MCM7: variants seen among roughly 807,000 people sequenced by gnomAD.
MCM7 encodes minichromosome maintenance complex component 7.
In MCM7, 95 loss-of-function variants were observed where a neutral mutation model predicts 83.5. The observed-to-expected ratio is 1.14, with a 90% CI of 0.96 to 1.35. MCM7 has a LOEUF of 1.35. MCM7 is among the 40% of genes most tolerant of loss of function. The pLI is 0.00. For missense variants in MCM7, 1,087 were observed against 957.4 expected (o/e 1.14, Z -1.79); for synonymous variants, 461 against 352.7 (o/e 1.31, Z -3.44).
chr7:100,100,134 G>C (rs771942191), intron 1 of MCM7, 41 bp from the exon 2 acceptor site: 2 of 1,606,802 alleles, frequency 1.2e-6, no homozygotes, highest in African/African-American at 1.3e-5. Flanking sequence ...CAAACTTTAA[G>C]ACAAATCTTA....
intron 5 of MCM7, 77 bp from the exon 6 acceptor site, chr7:100,098,792 T>C (rs1253402587): frequency 3.8e-6 from 6 of 1,567,410 alleles, no homozygotes; most frequent in Non-Finnish European, 5.2e-6. Flanking sequence ...TGAATCACAT[T>C]TTCTCTTCAT....
At chr7:100,098,769 T>C (rs1795778116) in intron 5 of MCM7, 54 bp from the exon 6 acceptor site, 2 of 1,604,616 alleles carry the variant, frequency 1.2e-6, no homozygotes, top group Admixed American at 1.7e-5. Context: ...AGAGCCCCAT[T>C]GGGTCGGTCC....
At position 100,098,620 on chromosome 7, in the gene MCM7, G is replaced by A. The variant is rs759876264; in HGVS notation, c.678C>T (p.Gly226=). The change falls in exon 6 of 15, where the codon GGC becomes GGT. Residue 226 remains glycine, a synonymous_variant. Coordinates refer to ENST00000303887, the MANE Select transcript of MCM7 (RefSeq NM_005916.5). ...SGGRLYLQTR[G]SRFIKFQEMK... is the part of the protein sequence containing the mutation. ...TCTCCTGGAATTTGATGAATCTGGA[G>A]CCCCGTGTCTGCAGATACAGCCGCC... The A allele has an allele frequency of 3.7e-6, 6 of 1,614,104 alleles. No individual in the cohort carries two copies. The highest frequency in any genetic ancestry group is 4.2e-6 in the Non-Finnish European group (5 of 1,180,016).
rs1468156203 is a variant in MCM7, at chr7:100,098,643, G to A, written c.655C>T (p.Arg219Trp). Residue 219 changes from arginine to tryptophan, a missense_variant, in exon 6 of 15, where the codon CGG (arginine) becomes TGG (tryptophan). Physicochemically the swap from Arg to Trp is moderately radical, Grantham distance 101. Transcript: ENST00000303887. Reference sequence around the variant, plus strand: ...GAGCCCCGTGTCTGCAGATACAGCCGCCCTCCTGAGCGGTTGGTTTGGCAC... The same window carrying A: ...GAGCCCCGTGTCTGCAGATACAGCCACCCTCCTGAGCGGTTGGTTTGGCAC... ...QECQTNRSGG[R>W]LYLQTRGSRF... The A allele has an allele frequency of 1.2e-6, 2 of 1,614,070 alleles. No individual in the cohort carries two copies. Among genetic ancestry groups the A allele is most frequent in the African/African-American group, 1.3e-5 (1 of 75,002 alleles).
intron 1 of MCM7, 21 bp downstream of exon 1, chr7:100,101,242 TC>T: frequency 6.2e-7 from 1 of 1,612,842 alleles, no homozygotes; most frequent in Non-Finnish European, 8.5e-7. Context: ...CAGGACGCCC[TC>T]CCGGGCTCGT....
At position 100,098,191 on chromosome 7, in the gene MCM7, T is replaced by C; in HGVS notation, c.820A>G (p.Thr274Ala). ...IAQPGDHVSV[T>A]GIFLPILRTG... ...CGCAGGATTGGCAAGAAAATACCAG[T>C]GACGCTGACGTGGTCTCCAGGCTGG... The change falls in exon 7 of 15, where the codon ACT becomes GCT. Residue 274 changes from threonine (T) to alanine (A), a missense_variant. Physicochemically the swap from Thr to Ala is moderately conservative, Grantham distance 58. Transcript: ENST00000303887. 1 of 1,614,164 alleles carries C rather than the reference T, an allele frequency of 6.2e-7. No homozygotes were observed. Among genetic ancestry groups the C allele is most frequent in the Admixed American group, 1.7e-5 (1 of 60,012 alleles).
chr7:100,100,701 C>A (rs571057481), intron 1 of MCM7: 18 of 990,006 alleles, frequency 1.8e-5, no homozygotes, highest in East Asian at 1.1e-4. Flanking sequence ...GCACGCCCCC[C>A]CGGGCCGCAG....
chr7:100,097,611 TA>T lies in MCM7; in HGVS notation c.1117+2del. 1 of 1,613,578 alleles carries T rather than the reference TA, an allele frequency of 6.2e-7. No homozygotes were observed. The highest frequency in any genetic ancestry group is 8.5e-7 in the Non-Finnish European group (1 of 1,180,012). On this transcript the variant is annotated splice_donor_variant, in intron 9 of 14. Coordinates refer to ENST00000303887, the MANE Select transcript of MCM7 (RefSeq NM_005916.5). LOFTEE classifies it high-confidence loss of function. ...CCTGAGCCTCTCCCTTGTTTCTTCT[TA>T]CCCCGGATTTTCATGCCTCGAGGAG...
rs750239872 is a variant in MCM7, at chr7:100,099,689, T to C, written c.176A>G (p.Asp59Gly). 6.2e-7 allele frequency: 1 copy of C among 1,614,124 alleles called. No individual in the cohort carries two copies. The highest frequency in any genetic ancestry group is 8.5e-7 in the Non-Finnish European group (1 of 1,180,036). ...YVDLDDVAEDDPELVDSICEN... is the reference protein window; with the variant it reads ...YVDLDDVAEDGPELVDSICEN... ...ACAAATTGAGTCCACCAACTCGGGG[T>C]CATCCTCGGCTACGTCGTCCAGGTC... is the stretch of plus-strand genomic sequence containing the variant. Residue 59 changes from aspartate (D) to glycine (G), a missense_variant, in exon 3 of 15, where the codon GAC (aspartate) becomes GGC (glycine). Asp to Gly is a moderately conservative substitution (Grantham distance 94, BLOSUM62 -1). Transcript: ENST00000303887.
intron 13 of MCM7, 39 bp from the exon 14 acceptor site, chr7:100,093,440 AGGGCAGTGGAACG>A (rs1381866198): frequency 1.9e-6 from 3 of 1,584,322 alleles, no homozygotes; most frequent in Non-Finnish European, 1.7e-6. Flanking sequence ...GAACGGGAGG[AGGGCAGTGGAACG>A]AGGTCAGGGG....
At position 100,097,655 on chromosome 7, in the gene MCM7, A is replaced by C. The variant is rs1367092407; in HGVS notation, c.1076T>G (p.Val359Gly). 4 of 1,614,106 alleles carry C rather than the reference A, an allele frequency of 2.5e-6. No homozygotes were observed. The highest frequency in any genetic ancestry group is 3.4e-6 in the Non-Finnish European group (4 of 1,180,038). The change falls in exon 9 of 15, where the codon GTC becomes GGC. Residue 359 changes from valine to glycine, a missense_variant. By Grantham distance (109) the Val-to-Gly change is moderately radical (BLOSUM62 -3). Transcript: ENST00000303887. ...DVKKALLLLL[V>G]GGVDQSPRGM... ...TCGAGGAGACTGGTCCACACCCCCG[A>C]CTAGCAGGAGCAGCAGTGCCTTCTT...
At chr7:100,093,928 C>T in intron 13 of MCM7, 1 of 704,192 alleles carries the variant, frequency 1.4e-6, no homozygotes, top group South Asian at 1.5e-5. Context: ...CAGACCCCAA[C>T]CACCCTCTCA....
chr7:100,093,958 GA>G, intron 13 of MCM7: 5 of 736,678 alleles, frequency 6.8e-6, no homozygotes, highest in Non-Finnish European at 1.0e-5. Flanking sequence ...AAGAAGTGGG[GA>G]AAAGGCCTTT....
At position 100,094,292 on chromosome 7, in the gene MCM7, G is replaced by C; in HGVS notation, c.1729C>G (p.Leu577Val). 3 of 1,614,218 alleles carry C rather than the reference G, an allele frequency of 1.9e-6. No individual in the cohort carries two copies. The highest frequency in any genetic ancestry group is 1.7e-6 in the Non-Finnish European group (2 of 1,180,042). The change falls in exon 13 of 15, where the codon CTG (leucine) becomes GTG (valine). Residue 577 changes from leucine (L) to valine (V), a missense_variant. Leu to Val is a conservative substitution (Grantham distance 32). Coordinates refer to ENST00000303887, the MANE Select transcript of MCM7 (RefSeq NM_005916.5). The part of the protein sequence containing the change: ...REKQPMVPES[L>V]ADYITAAYVE... ...TATGCTGCTGTGATGTAGTCAGCCA[G>C]AGACTCTGGCACCATGGGCTGCTTC... is the stretch of plus-strand genomic sequence containing the variant.
Position 100,101,249 on chromosome 7 carries a change from C to G in MCM7, c.31+15G>C. 6.2e-7 allele frequency: 1 copy of G among 1,613,080 alleles called. No homozygotes were observed. The highest frequency in any genetic ancestry group is 8.5e-7 in the Non-Finnish European group (1 of 1,179,870). On this transcript the variant is annotated intron_variant, in intron 1 of 14. Coordinates refer to ENST00000303887, the MANE Select transcript of MCM7 (RefSeq NM_005916.5). Reference sequence around the variant, plus strand: ...TCCCCGCGCAGGACGCCCTCCCGGGCTCGTAGACCCGTACCCTTCTCTAGC... The same window carrying G: ...TCCCCGCGCAGGACGCCCTCCCGGGGTCGTAGACCCGTACCCTTCTCTAGC...
At chr7:100,101,057 A>C in intron 1 of MCM7, 3 of 709,270 alleles carry the variant, frequency 4.2e-6, no homozygotes, top group Non-Finnish European at 6.8e-6. Flanking sequence ...ACCAGGTGGG[A>C]TTACTAGCTT....
At chr7:100,095,323 C>T (rs1562893870) in intron 12 of MCM7, 64 bp downstream of exon 12, 2 of 1,408,566 alleles carry the variant, frequency 1.4e-6, no homozygotes, top group East Asian at 4.9e-5. Context: ...GACTAATAAG[C>T]ACTTTTTCAG....
intron 10 of MCM7, among the ~76,000 whole-genome samples, 194 bp downstream of exon 10, chr7:100,097,107 A>C (rs1373091181): frequency 6.6e-6 from 1 of 152,196 alleles, no homozygotes. Flanking sequence ...TCTCAAAAAA[A>C]ACAAAAACAA....
chr7:100,095,892 C>T lies in MCM7; in HGVS notation c.1477G>A (p.Gly493Arg). ...AGGCTGCGGCGAGGGTTGTAGCGCC[C>T]GTAGGCAGGGTTGGCGGCAGCCAGG... is the stretch of plus-strand genomic sequence containing the variant. The part of the protein sequence containing the change: ...SILAAANPAY[G>R]RYNPRRSLEQ... The change falls in exon 11 of 15, where the codon GGG becomes AGG. Residue 493 changes from glycine to arginine, a missense_variant. Coordinates refer to ENST00000303887, the MANE Select transcript of MCM7 (RefSeq NM_005916.5). 4 of 1,613,866 alleles carry T rather than the reference C, an allele frequency of 2.5e-6. No homozygotes were observed. Among genetic ancestry groups the T allele is most frequent in the Non-Finnish European group, 3.4e-6 (4 of 1,179,990 alleles).
Sources: allele counts gnomAD v4.1 joint callset (sites outside exome capture counted in the v4.1 genomes callset), GRCh38; gene constraint gnomAD v4.1.1; transcripts MANE v1.5; gene names NCBI Gene and HGNC (gene_info 2026-07-23, HGNC 2026-07-21).